SYT6: variants seen among roughly 807,000 people sequenced by gnomAD.
The protein encoded by SYT6 is synaptotagmin 6.
In SYT6, 24 loss-of-function variants were observed where a neutral mutation model predicts 38.4. The ratio of observed to expected loss-of-function variants is 0.62; its 90% CI spans 0.45 to 0.88. SYT6 has a LOEUF of 0.88. SYT6 is among the 40% of genes least tolerant of loss of function. The pLI is 0.00. For synonymous variants in SYT6, 265 were observed against 241.9 expected (o/e 1.10, Z -0.89); for missense variants, 611 against 621.0 (o/e 0.98, Z 0.17).
intron 3 of SYT6, among the ~76,000 whole-genome samples, chr1:114,107,436 CAGGTGAA>C (rs1375892771): frequency 6.6e-6 from 1 of 152,224 alleles, no homozygotes; most frequent in Non-Finnish European, 1.5e-5. Flanking sequence ...TGGGCGCAGC[CAGGTGAA>C]AGGACTGGCT....
chr1:114,137,591 A>G lies in SYT6; in HGVS notation c.975T>C (p.His325=), dbSNP rs765316545. The G allele has an allele frequency of 3.1e-6, 5 of 1,614,202 alleles. No homozygotes were observed. The highest frequency in any genetic ancestry group is 2.2e-5 in the South Asian group (2 of 91,082). Residue 325 remains histidine, a synonymous_variant, in exon 3 of 8, where the codon CAT becomes CAC. Coordinates refer to ENST00000610222, the MANE Select transcript of SYT6 (RefSeq NM_001253772.2). ...SVFDFDRFSR[H]DMIGEVILDN... ...CCAGGATGACCTCGCCAATCATGTC[A>G]TGGCGGGAGAAGCGGTCAAAGTCGA...
chr1:114,093,391 C>G (rs1675436051), intron 7 of SYT6, among the ~76,000 whole-genome samples: 1 of 152,214 alleles, frequency 6.6e-6, no homozygotes, highest in Admixed American at 6.5e-5. Flanking sequence ...TTCAGGCCAG[C>G]TGAAGATCTT....
chr1:114,112,897 C>G (rs779215703), intron 3 of SYT6, among the ~76,000 whole-genome samples: 1 of 152,286 alleles, frequency 6.6e-6, no homozygotes, highest in Admixed American at 6.5e-5. Context: ...CTCTGCCCCT[C>G]GCAGGGCTGT....
At chr1:114,098,585 C>T (rs1185229721) in intron 5 of SYT6, among the ~76,000 whole-genome samples, 4 of 152,134 alleles carry the variant, frequency 2.6e-5, no homozygotes. Flanking sequence ...AAGGGAAAAG[C>T]CTGGATCACA....
chr1:114,103,868 C>G (rs1676112614), intron 3 of SYT6, 147 bp from the exon 4 acceptor site: 4 of 990,112 alleles, frequency 4.0e-6, no homozygotes, highest in Middle Eastern at 6.6e-4. Context: ...GACTGGCCTC[C>G]ATGCTGCAAG....
chr1:114,130,913 G>C (rs188885691), intron 3 of SYT6, among the ~76,000 whole-genome samples: 2 of 152,202 alleles, frequency 1.3e-5, no homozygotes, highest in Non-Finnish European at 2.9e-5. Flanking sequence ...CTTCACCCCC[G>C]GGTGATTTAA....
chr1:114,092,098 C>A lies in SYT6; in HGVS notation c.*52-16G>T. 2.0e-6 allele frequency: 3 copies of A among 1,535,784 alleles called. No individual in the cohort carries two copies. The highest frequency in any genetic ancestry group is 2.6e-6 in the Non-Finnish European group (3 of 1,146,594). ...GGCCCTGCCACTGCAAAGAGGAGAACAATCTGTTTATTAATTGCTAAAGGA... is the reference window on the plus strand; with the variant it reads ...GGCCCTGCCACTGCAAAGAGGAGAAAAATCTGTTTATTAATTGCTAAAGGA... On this transcript the variant is annotated splice_polypyrimidine_tract_variant and intron_variant, in intron 7 of 7. Transcript: ENST00000610222.
chr1:114,120,156 T>A (rs985812135), intron 3 of SYT6, among the ~76,000 whole-genome samples: 1 of 152,118 alleles, frequency 6.6e-6, no homozygotes, highest in Admixed American at 6.5e-5. Context: ...TTACCCCCAC[T>A]TTGCAGTTGA....
At chr1:114,105,976 C>A (rs545433698) in intron 3 of SYT6, among the ~76,000 whole-genome samples, 3 of 152,162 alleles carry the variant, frequency 2.0e-5, no homozygotes, top group Admixed American at 6.5e-5. Flanking sequence ...GATGGTCTAG[C>A]GGGGCGTAAC....
At chr1:114,143,574 G>GTGTGTGTGTA (rs572184359) in intron 1 of SYT6, among the ~76,000 whole-genome samples, 60 of 150,142 alleles carry the variant, frequency 4.0e-4, no homozygotes, top group African/African-American at 1.4e-3. Context: ...GTGTGTGTGT[G>GTGTGTGTGTA]TATATATATA....
intron 3 of SYT6, among the ~76,000 whole-genome samples, chr1:114,120,974 A>G (rs75313922): frequency 0.04 from 6,064 of 152,308 alleles, 389 homozygotes; most frequent in African/African-American, 0.14. Context: ...GTCCGTGCCT[A>G]GAGGCAGGGC....
intron 5 of SYT6, among the ~76,000 whole-genome samples, 194 bp downstream of exon 5, chr1:114,098,900 G>A (rs1445772104): frequency 6.6e-6 from 1 of 152,210 alleles, no homozygotes. Flanking sequence ...GTTGGGAAAA[G>A]AACTTTGAAC....
chr1:114,100,122 T>C (rs1267697809), intron 4 of SYT6, among the ~76,000 whole-genome samples: 1 of 152,232 alleles, frequency 6.6e-6, no homozygotes, highest in African/African-American at 2.4e-5. Flanking sequence ...GTCATCTTTC[T>C]ACCCTGAAAT....
At chr1:114,146,576 T>G (rs941285700) in intron 1 of SYT6, among the ~76,000 whole-genome samples, 4 of 152,220 alleles carry the variant, frequency 2.6e-5, no homozygotes, top group Non-Finnish European at 4.4e-5. Flanking sequence ...CCTGATCCAG[T>G]GCTCTTCCAA....
chr1:114,111,057 C>T (rs531967216), intron 3 of SYT6, among the ~76,000 whole-genome samples: 8 of 152,326 alleles, frequency 5.3e-5, no homozygotes, highest in South Asian at 4.2e-4. Flanking sequence ...TTCAACACCT[C>T]GGGCTCCCTC....
In SYT6 at chr1:114,153,758, C is replaced by T; in HGVS notation, c.15G>A (p.Trp5Ter). The change falls in exon 1 of 8, where the codon TGG becomes TGA. Residue 5 changes from tryptophan (W) to a stop codon, truncating the protein, a stop_gained. Coordinates refer to ENST00000610222, the MANE Select transcript of SYT6 (RefSeq NM_001253772.2). LOFTEE classifies it high-confidence loss of function. ...CCTGGCACCGAGGCCCGCCGGCCCC[C>T]CACACTCCGCTCATGCCCTAGACAC... The part of the protein sequence containing the change: MSGV[W>*]GAGGPRCQEA... The T allele has an allele frequency of 1.5e-6, 1 of 681,084 alleles. No homozygotes were observed. The highest frequency in any genetic ancestry group is 2.7e-6 in the Non-Finnish European group (1 of 376,028). The allele number at this position is 681,084 out of a possible 1,614,324, so 42.2% of individuals were successfully genotyped here.
chr1:114,130,416 T>C (rs1468115660), intron 3 of SYT6, among the ~76,000 whole-genome samples: 1 of 152,152 alleles, frequency 6.6e-6, no homozygotes, highest in Non-Finnish European at 1.5e-5. Flanking sequence ...TTTGACTTCC[T>C]CTTTTTCCTT....
chr1:114,132,474 T>A (rs1245876171), intron 3 of SYT6, among the ~76,000 whole-genome samples: 1 of 152,214 alleles, frequency 6.6e-6, no homozygotes, highest in Non-Finnish European at 1.5e-5. Context: ...GGTAGCTCTG[T>A]TCTGTGAAAG....
intron 7 of SYT6, among the ~76,000 whole-genome samples, chr1:114,093,247 G>A (rs953148979): frequency 1.1e-4 from 16 of 152,180 alleles, no homozygotes; most frequent in Non-Finnish European, 1.8e-4. Context: ...CATCACCTGC[G>A]GAGTAGATGG....
Sources: allele counts gnomAD v4.1 joint callset (sites outside exome capture counted in the v4.1 genomes callset), GRCh38; gene constraint gnomAD v4.1.1; transcripts MANE v1.5; gene names NCBI Gene and HGNC (gene_info 2026-07-23, HGNC 2026-07-21).